The following TIE1 variants were observed in gnomAD, a reference collection of about 807,000 sequenced individuals.
TIE1 encodes tyrosine-protein kinase receptor Tie-1.
Under a neutral mutation model 130.5 loss-of-function variants are expected in TIE1, and 89 were observed. The observed-to-expected ratio is 0.68, with a 90% CI of 0.57 to 0.81. The LOEUF is 0.81. Among genes scored for constraint, TIE1 ranks in the 40% least tolerant of loss-of-function variants. The pLI is 0.00. For synonymous variants in TIE1, 568 were observed against 629.4 expected, an observed-to-expected ratio of 0.90 and a Z score of 1.46; for missense variants, 1,392 against 1,559.8, an observed-to-expected ratio of 0.89 and a Z score of 1.81.
rs1179214005 is a variant in TIE1 at position 43,306,373 on chromosome 1, A to C, written c.485-467A>C. On this transcript the variant is annotated intron_variant, in intron 3 of 22. Coordinates refer to ENST00000372476, the MANE Select transcript of TIE1 (RefSeq NM_005424.5). This position sits in a 1 kb window ranked among gnomAD's most constrained non-coding sequence, Gnocchi z 4.9. ...GGGCTGGATGGCTTGGCCACGGCCA[A>C]GTTGGTGAAAATGATGTCTAAGGAG... Among the ~76,000 whole-genome samples, 1 of 152,216 alleles carries C rather than the reference A, an allele frequency of 6.6e-6. No individual in the cohort carries two copies. Among genetic ancestry groups the C allele is most frequent in the African/African-American group, 2.4e-5 (1 of 41,450 alleles).
rs930256710 is a variant in TIE1 at position 43,317,055 on chromosome 1, C to G, written c.2410-144C>G. ...TATGTCCTCTGTCTGCCTGTCTGTCCCTGGCTGACCACCAGGGTGCCCTCC... is the reference window on the plus strand; with the variant it reads ...TATGTCCTCTGTCTGCCTGTCTGTCGCTGGCTGACCACCAGGGTGCCCTCC... On this transcript the variant is annotated intron_variant, in intron 14 of 22. Coordinates refer to ENST00000372476, the MANE Select transcript of TIE1 (RefSeq NM_005424.5). This position sits in a 1 kb window ranked among gnomAD's most constrained non-coding sequence, Gnocchi z 5.1. 2.0e-5 allele frequency: 16 copies of G among 788,312 alleles called. No individual in the cohort carries two copies. The highest frequency in any genetic ancestry group is 3.0e-5 in the Non-Finnish European group (14 of 459,446). The allele number at this position is 788,312 out of a possible 1,614,324, so 48.8% of individuals were successfully genotyped here.
chr1:43,310,574 C>T (rs1646779639), intron 9 of TIE1, among the ~76,000 whole-genome samples: 1 of 152,166 alleles, frequency 6.6e-6, no homozygotes, highest in Non-Finnish European at 1.5e-5. Context: ...TGGCAGCTCT[C>T]ACATATGATC....
In TIE1 at chr1:43,307,688, CCTT is replaced by C; in HGVS notation, c.914-105_914-103del. Reference sequence around the variant, plus strand: ...AAGCCCTCCTGCTCACTTGACCAGTCCTTCTATCCTCAGCCTGTTGTATAACCT... The same window carrying C: ...AAGCCCTCCTGCTCACTTGACCAGTCCTATCCTCAGCCTGTTGTATAACCT... On this transcript the variant is annotated intron_variant, in intron 6 of 22. Coordinates refer to ENST00000372476, the MANE Select transcript of TIE1 (RefSeq NM_005424.5). The surrounding 1 kb of genome is among the most constrained non-coding windows in gnomAD (Gnocchi z 5.4). 6.3e-7 allele frequency: 1 copy of C among 1,598,480 alleles called. No homozygotes were observed. Among genetic ancestry groups the C allele is most frequent in the Non-Finnish European group, 8.5e-7 (1 of 1,169,670 alleles).
In TIE1 at chr1:43,321,673, C is replaced by T. The variant is rs1363346121; in HGVS notation, c.3303C>T (p.Ala1101=). Residue 1101 remains alanine (A), a synonymous_variant, in exon 22 of 23, where the codon GCC becomes GCT. Coordinates refer to ENST00000372476, the MANE Select transcript of TIE1 (RefSeq NM_005424.5). ...RDRPYERPPF[A]QIALQLGRML... is the part of the protein sequence containing the mutation. ...GTCCCTATGAGCGACCCCCCTTTGCCCAGATTGCGCTACAGCTAGGCCGCA... is the reference window on the plus strand; with the variant it reads ...GTCCCTATGAGCGACCCCCCTTTGCTCAGATTGCGCTACAGCTAGGCCGCA... 2 of 1,553,590 alleles carry T rather than the reference C, an allele frequency of 1.3e-6. No individual in the cohort carries two copies. The highest frequency in any genetic ancestry group is 4.9e-5 in the East Asian group (2 of 41,132).
rs770063877 is a variant in TIE1, at chr1:43,309,155, C to T, written c.1188+24C>T. ...TGGTCAGCCCCCAATCACCCCAACC[C>T]ACCAGCCCCTCAGGCCGCCTGCTTC... is the stretch of plus-strand genomic sequence containing the variant. On this transcript the variant is annotated intron_variant, in intron 8 of 22. Coordinates refer to ENST00000372476, the MANE Select transcript of TIE1 (RefSeq NM_005424.5). The surrounding 1 kb of genome is among the most constrained non-coding windows in gnomAD (Gnocchi z 6.3). The T allele has an allele frequency of 6.4e-6, 10 of 1,568,818 alleles. No homozygotes were observed. The South Asian group carries it at 1.2e-4, about 19-fold the overall frequency.
intron 1 of TIE1, among the ~76,000 whole-genome samples, chr1:43,302,979 C>T (rs185217631): frequency 8.5e-5 from 13 of 152,296 alleles, no homozygotes; most frequent in African/African-American, 3.1e-4. Flanking sequence ...GGCCCTGCCA[C>T]TCACTAATTG....
rs900216937 is a variant in TIE1, at chr1:43,322,040, C to T, written c.3345+325C>T. On this transcript the variant is annotated intron_variant, in intron 22 of 22. Transcript: ENST00000372476. This position sits in a 1 kb window ranked among gnomAD's most constrained non-coding sequence, Gnocchi z 4.0. ...CCTCATCTGGGACACCTCTCCCCACCTGCCAGAGCCAGAGCAGAGTGCATG... is the reference window on the plus strand; with the variant it reads ...CCTCATCTGGGACACCTCTCCCCACTTGCCAGAGCCAGAGCAGAGTGCATG... 6.6e-6 allele frequency among the ~76,000 whole-genome samples: 1 copy of T among 152,192 alleles called. No homozygotes were observed. Among genetic ancestry groups the T allele is most frequent in the Non-Finnish European group, 1.5e-5 (1 of 68,028 alleles).
chr1:43,310,340 C>T lies in TIE1; in HGVS notation c.1333+808C>T, dbSNP rs114460030. 7.0e-3 allele frequency among the ~76,000 whole-genome samples: 1,059 copies of T among 152,286 alleles called. 9 individuals are homozygous for T. The highest frequency in any genetic ancestry group is 0.024 in the African/African-American group (1,013 of 41,566). The stretch of plus-strand genomic sequence containing the variant: ...GGCTTGAATCCTCTCTCCACAAATT[C>T]CTTGCCCCATCACCTTAAGGAAACT... On this transcript the variant is annotated intron_variant, in intron 9 of 22. Coordinates refer to ENST00000372476, the MANE Select transcript of TIE1 (RefSeq NM_005424.5).
chr1:43,309,511 C>A lies in TIE1; in HGVS notation c.1312C>A (p.Arg438Ser). The A allele has an allele frequency of 6.3e-7, 1 of 1,593,394 alleles. No homozygotes were observed. Among genetic ancestry groups the A allele is most frequent in the Non-Finnish European group, 8.5e-7 (1 of 1,171,792 alleles). Residue 438 changes from arginine (R) to serine (S), a missense_variant, in exon 9 of 23, where the codon CGC becomes AGC. Transcript: ENST00000372476. The surrounding 1 kb of genome is among the most constrained non-coding windows in gnomAD (Gnocchi z 6.3). ...VSTSGGQDSR[R>S]FKVNVKVPPV... ...CACATCTGGCGGCCAAGACAGCCGG[C>A]GCTTCAAGGTCAATGTGAAAGGTCA...
chr1:43,313,411 C>A lies in TIE1; in HGVS notation c.2204C>A (p.Ser735Tyr), dbSNP rs1331189295. Residue 735 changes from serine to tyrosine, a missense_variant, in exon 13 of 23, where the codon TCC becomes TAC. Transcript: ENST00000372476. This position sits in a 1 kb window ranked among gnomAD's most constrained non-coding sequence, Gnocchi z 6.2. ...LGDWSNTVEESTLGNGLQAEG... is the reference protein window; with the variant it reads ...LGDWSNTVEEYTLGNGLQAEG... ...GACTGGAGCAACACAGTAGAAGAGTCCACCCTGGGCAACGGTGAGAGGGCA... is the reference window on the plus strand; with the variant it reads ...GACTGGAGCAACACAGTAGAAGAGTACACCCTGGGCAACGGTGAGAGGGCA... 3 of 1,613,752 alleles carry A rather than the reference C, an allele frequency of 1.9e-6. No homozygotes were observed. The highest frequency in any genetic ancestry group is 2.5e-6 in the Non-Finnish European group (3 of 1,179,904).
chr1:43,301,108 C>T lies in TIE1; in HGVS notation c.37C>T (p.Leu13Phe), dbSNP rs759908960. ...WRVPPFLLPI[L>F]FLASHVGAAV... ...GGTGCCCCCTTTCTTGCTCCCCATCCTCTTCTTGGCTTCTCATGTGGGTAA... is the reference window on the plus strand; with the variant it reads ...GGTGCCCCCTTTCTTGCTCCCCATCTTCTTCTTGGCTTCTCATGTGGGTAA... The change falls in exon 1 of 23, where the codon CTC (leucine) becomes TTC (phenylalanine). Residue 13 changes from leucine to phenylalanine, a missense_variant. By Grantham distance (22) the Leu-to-Phe change is conservative. Coordinates refer to ENST00000372476, the MANE Select transcript of TIE1 (RefSeq NM_005424.5). 1.3e-5 allele frequency: 21 copies of T among 1,613,780 alleles called. No homozygotes were observed. Among genetic ancestry groups the T allele is most frequent in the Non-Finnish European group, 1.7e-5 (20 of 1,179,918 alleles).
At position 43,313,346 on chromosome 1, in the gene TIE1, C is replaced by A. The variant is rs1366775983; in HGVS notation, c.2139C>A (p.Arg713=). The A allele has an allele frequency of 6.2e-7, 1 of 1,614,046 alleles. No homozygotes were observed. Among genetic ancestry groups the A allele is most frequent in the Non-Finnish European group, 8.5e-7 (1 of 1,179,952 alleles). Residue 713 remains arginine, a synonymous_variant, in exon 13 of 23, where the codon CGC becomes CGA. Coordinates refer to ENST00000372476, the MANE Select transcript of TIE1 (RefSeq NM_005424.5). This position sits in a 1 kb window ranked among gnomAD's most constrained non-coding sequence, Gnocchi z 6.2. ...TIIRGLNAST[R]YLFRMRASIQ... Reference sequence around the variant, plus strand: ...TCCGTGGCCTCAACGCCAGCACGCGCTACCTCTTCCGCATGCGGGCCAGCA... The same window carrying A: ...TCCGTGGCCTCAACGCCAGCACGCGATACCTCTTCCGCATGCGGGCCAGCA...
In TIE1 at chr1:43,307,913, G is replaced by T; in HGVS notation, c.1031G>T (p.Cys344Phe). ...VCPSGWHGVH[C>F]EKSDRIPQIL... ...CCCTCTGGGTGGCATGGAGTGCACT[G>T]TGAGAAGTCAGGTATAAGCACTATG... The change falls in exon 7 of 23, where the codon TGT becomes TTT. Residue 344 changes from cysteine (C) to phenylalanine (F), a missense_variant. Around this residue, in one of 6 missense-constraint regions of TIE1, gnomAD observed 551 missense variants for 565.5 expected, o/e 0.97. Coordinates refer to ENST00000372476, the MANE Select transcript of TIE1 (RefSeq NM_005424.5). The surrounding 1 kb of genome is among the most constrained non-coding windows in gnomAD (Gnocchi z 5.4). 6.2e-7 allele frequency: 1 copy of T among 1,614,176 alleles called. No homozygotes were observed. The highest frequency in any genetic ancestry group is 2.2e-5 in the East Asian group (1 of 44,882).
In TIE1 at chr1:43,306,838, A is replaced by G. The variant is rs1358049745; in HGVS notation, c.485-2A>G. 1 of 1,608,128 alleles carries G rather than the reference A, an allele frequency of 6.2e-7. No homozygotes were observed. The highest frequency in any genetic ancestry group is 1.7e-5 in the Admixed American group (1 of 59,458). On this transcript the variant is annotated splice_acceptor_variant, in intron 3 of 22. Transcript: ENST00000372476. LOFTEE classifies it high-confidence loss of function. This position sits in a 1 kb window ranked among gnomAD's most constrained non-coding sequence, Gnocchi z 4.9. ...GGCCCCTGACACATTCATGTCCCCCAGGATCCTACTTCTACACCCTGGACT... is the reference window on the plus strand; with the variant it reads ...GGCCCCTGACACATTCATGTCCCCCGGGATCCTACTTCTACACCCTGGACT...
rs745572185 is a variant in TIE1 at position 43,317,225 on chromosome 1, C to T, written c.2436C>T (p.Ser812=). 5 of 1,614,032 alleles carry T rather than the reference C, an allele frequency of 3.1e-6. No homozygotes were observed. The African/African-American group carries it at 5.3e-5, about 17-fold the overall frequency. Residue 812 remains serine (S), a synonymous_variant, in exon 15 of 23, where the codon AGC becomes AGT. Transcript: ENST00000372476. This position sits in a 1 kb window ranked among gnomAD's most constrained non-coding sequence, Gnocchi z 5.1. The stretch of plus-strand genomic sequence containing the variant: ...GCGAGGAGACCATCCTGCAGTTCAG[C>T]TCAGGGACCTTGACACTTACCCGGC... The part of the protein sequence containing the change: ...GSGEETILQF[S]SGTLTLTRRP...
rs769548112 is a variant in TIE1, at chr1:43,313,357, G to T, written c.2150G>T (p.Arg717Leu). 8 of 1,614,002 alleles carry T rather than the reference G, an allele frequency of 5.0e-6. No homozygotes were observed. Among genetic ancestry groups the T allele is most frequent in the Non-Finnish European group, 6.8e-6 (8 of 1,179,960 alleles). ...AACGCCAGCACGCGCTACCTCTTCC[G>T]CATGCGGGCCAGCATTCAGGGGCTC... ...GLNASTRYLF[R>L]MRASIQGLGD... is the part of the protein sequence containing the mutation. The change falls in exon 13 of 23, where the codon CGC (arginine) becomes CTC (leucine). Residue 717 changes from arginine to leucine, a missense_variant. Coordinates refer to ENST00000372476, the MANE Select transcript of TIE1 (RefSeq NM_005424.5). The surrounding 1 kb of genome is among the most constrained non-coding windows in gnomAD (Gnocchi z 6.2).
In TIE1 at chr1:43,307,408, A is replaced by G; in HGVS notation, c.773-24A>G. The G allele has an allele frequency of 6.2e-7, 1 of 1,613,702 alleles. No homozygotes were observed. The highest frequency in any genetic ancestry group is 8.5e-7 in the Non-Finnish European group (1 of 1,179,842). ...GGCCCAGGGGCCCACAGAGGCCCATACACCCCACACACTCTCTTTCTAGCC... is the reference window on the plus strand; with the variant it reads ...GGCCCAGGGGCCCACAGAGGCCCATGCACCCCACACACTCTCTTTCTAGCC... On this transcript the variant is annotated intron_variant, in intron 5 of 22. Coordinates refer to ENST00000372476, the MANE Select transcript of TIE1 (RefSeq NM_005424.5). This position sits in a 1 kb window ranked among gnomAD's most constrained non-coding sequence, Gnocchi z 5.4.
At position 43,319,398 on chromosome 1, in the gene TIE1, C is replaced by G. The variant is rs779962592; in HGVS notation, c.3036+50C>G. The stretch of plus-strand genomic sequence containing the variant: ...TTAGGGCTTGTGCCTGGCCCTGCCC[C>G]ACAGGAGCCTCAAACAGGCCCTTCC... On this transcript the variant is annotated intron_variant, in intron 18 of 22. Transcript: ENST00000372476. This position sits in a 1 kb window ranked among gnomAD's most constrained non-coding sequence, Gnocchi z 4.7. 2 of 1,611,910 alleles carry G rather than the reference C, an allele frequency of 1.2e-6. No individual in the cohort carries two copies. The highest frequency in any genetic ancestry group is 1.7e-5 in the Admixed American group (1 of 59,984).
At chr1:43,305,442 A>C in intron 3 of TIE1, 99 bp downstream of exon 3, 1 of 1,128,788 alleles carries the variant, frequency 8.9e-7, no homozygotes, top group Non-Finnish European at 1.2e-6. Flanking sequence ...GGCCCCTGAC[A>C]CACCCGACCT....
Sources: allele counts gnomAD v4.1 joint callset (sites outside exome capture counted in the v4.1 genomes callset), GRCh38; gene constraint gnomAD v4.1.1; regional missense constraint gnomAD v4.1.1; non-coding constraint Gnocchi (gnomAD v3.1); transcripts MANE v1.5; gene names NCBI Gene and HGNC (gene_info 2026-07-23, HGNC 2026-07-21).